FOXJ3: variants seen among roughly 807,000 people sequenced by gnomAD.
FOXJ3 encodes the protein forkhead box protein J3.
FOXJ3 carries 22 observed loss-of-function variants against 76.1 expected under a neutral mutation model. The ratio of observed to expected loss-of-function variants is 0.29; its 90% confidence interval spans 0.21 to 0.41. The LOEUF (loss-of-function observed/expected upper bound fraction) is 0.41, where lower values mean the gene tolerates loss of function less well. FOXJ3 is among the 10% of genes least tolerant of loss of function. FOXJ3 has a pLI of 1.00. For synonymous variants in FOXJ3, 269 were observed against 261.2 expected, an observed-to-expected ratio of 1.03 and a Z score of -0.29; for missense variants, 613 against 762.1, an observed-to-expected ratio of 0.80 and a Z score of 2.30.
At chr1:42,221,855 T>G (rs1457409530) in intron 5 of FOXJ3, among the ~76,000 whole-genome samples, 2 of 145,120 alleles carry the variant, frequency 1.4e-5, no homozygotes, top group African/African-American at 5.1e-5. Flanking sequence ...GGCTCACACC[T>G]TAATCCCAGT....
chr1:42,262,735 G>A (rs367977146), intron 4 of FOXJ3, among the ~76,000 whole-genome samples: 4 of 152,160 alleles, frequency 2.6e-5, no homozygotes, highest in Non-Finnish European at 4.4e-5. Flanking sequence ...GGTAGTCCCA[G>A]CTACTCAGGA....
intron 4 of FOXJ3, among the ~76,000 whole-genome samples, chr1:42,248,730 CTTTTTTTTTTTTT>C (rs4019587): frequency 3.3e-5 from 3 of 92,192 alleles, no homozygotes; most frequent in African/African-American, 1.2e-4. Context: ...CCTGTTTTTT[CTTTTTTTTTTTTT>C]TTTTTTTTTT....
At chr1:42,183,188 G>A (rs1315913574) in intron 11 of FOXJ3, among the ~76,000 whole-genome samples, 5 of 149,612 alleles carry the variant, frequency 3.3e-5, no homozygotes, top group South Asian at 2.2e-4. Flanking sequence ...CCTGGGAGAC[G>A]GAGGTTGCAG....
chr1:42,192,057 A>T (rs1219705070), intron 8 of FOXJ3, among the ~76,000 whole-genome samples: 2 of 152,182 alleles, frequency 1.3e-5, no homozygotes, highest in Non-Finnish European at 2.9e-5. Context: ...ACAGTGCCTG[A>T]ACTGAGTCTT....
intron 4 of FOXJ3, among the ~76,000 whole-genome samples, chr1:42,235,611 G>A (rs1648556252): frequency 6.7e-6 from 1 of 150,350 alleles, no homozygotes. Flanking sequence ...CAGCCATGCT[G>A]GAGTGCAGTG....
chr1:42,308,269 G>T (rs755432761), intron 2 of FOXJ3, among the ~76,000 whole-genome samples: 4 of 152,170 alleles, frequency 2.6e-5, no homozygotes, highest in Admixed American at 1.3e-4. Flanking sequence ...AGCAGTGTTT[G>T]TCAGTAGTTT....
rs537697206 is a variant in FOXJ3, at chr1:42,312,993, T to G, written c.-17-1883A>C. On this transcript the variant is annotated intron_variant, in intron 1 of 12. Coordinates refer to ENST00000361346, the MANE Select transcript of FOXJ3 (RefSeq NM_014947.5). Reference sequence around the variant, plus strand: ...GACAGCAGTGCAAGGGTGTCTTCCCTGATATTTCACAACCACAAGCTGATC... The same window carrying G: ...GACAGCAGTGCAAGGGTGTCTTCCCGGATATTTCACAACCACAAGCTGATC... Among the ~76,000 whole-genome samples, 20 of 152,328 alleles carry G rather than the reference T, an allele frequency of 1.3e-4. No individual in the cohort carries two copies. The South Asian group carries it at 4.1e-3, about 32-fold the overall frequency.
intron 7 of FOXJ3, among the ~76,000 whole-genome samples, chr1:42,197,177 C>T (rs143025186): frequency 2.6e-5 from 4 of 152,230 alleles, no homozygotes; most frequent in Non-Finnish European, 5.9e-5. Context: ...GCATACAATG[C>T]TCCATTATCT....
chr1:42,211,377 C>G (rs1259668043), intron 5 of FOXJ3, among the ~76,000 whole-genome samples: 1 of 152,120 alleles, frequency 6.6e-6, no homozygotes, highest in African/African-American at 2.4e-5. Flanking sequence ...ATCTGAATAG[C>G]TGGAACATCT....
At chr1:42,183,755 G>C (rs1646378404) in intron 11 of FOXJ3, among the ~76,000 whole-genome samples, 1 of 152,028 alleles carries the variant, frequency 6.6e-6, no homozygotes, top group Non-Finnish European at 1.5e-5. Context: ...TTCTGTATTT[G>C]GCTGCTCACA....
At chr1:42,294,514 T>C (rs932085811) in intron 2 of FOXJ3, among the ~76,000 whole-genome samples, 42 of 152,248 alleles carry the variant, frequency 2.8e-4, no homozygotes, top group African/African-American at 9.9e-4. Flanking sequence ...ATCCCAGTAC[T>C]TTGGGAAGCC....
At chr1:42,298,562 G>C (rs1281005627) in intron 2 of FOXJ3, among the ~76,000 whole-genome samples, 1 of 151,036 alleles carries the variant, frequency 6.6e-6, no homozygotes, top group African/African-American at 2.4e-5. Flanking sequence ...TTTTTTTCTT[G>C]GTTAACTTAG....
chr1:42,235,940 G>A (rs1029010452), intron 4 of FOXJ3, among the ~76,000 whole-genome samples: 1 of 151,926 alleles, frequency 6.6e-6, no homozygotes, highest in Non-Finnish European at 1.5e-5. Context: ...CTCCTGCCTT[G>A]GGCATCCCAA....
At chr1:42,315,244 G>A in intron 1 of FOXJ3, 1 of 173,820 alleles carries the variant, frequency 5.8e-6, no homozygotes, top group Non-Finnish European at 1.1e-5. Flanking sequence ...GATGAAAATG[G>A]CCTAATTGAT....
chr1:42,319,682 AG>A (rs1655324258), intron 1 of FOXJ3, among the ~76,000 whole-genome samples: 1 of 152,204 alleles, frequency 6.6e-6, no homozygotes, highest in African/African-American at 2.4e-5. Flanking sequence ...ATCTCAACAA[AG>A]CAGTTAGGAA....
chr1:42,335,839 A>G (rs1034631377), upstream of FOXJ3: 1 of 152,102 alleles, frequency 6.6e-6, no homozygotes, highest in African/African-American at 2.4e-5. Context: ...TTGGACCTCT[A>G]AAGGCCCTTC....
At chr1:42,272,724 C>T (rs975937469) in intron 3 of FOXJ3, among the ~76,000 whole-genome samples, 1 of 152,166 alleles carries the variant, frequency 6.6e-6, no homozygotes, top group Non-Finnish European at 1.5e-5. Context: ...ATGGATTTGG[C>T]ATTTTTAGGT....
chr1:42,286,127 A>G (rs1653038620), intron 2 of FOXJ3, among the ~76,000 whole-genome samples: 1 of 146,174 alleles, frequency 6.8e-6, no homozygotes, highest in Non-Finnish European at 1.5e-5. Flanking sequence ...CTAAAAAGAA[A>G]TAAAATAATT....
chr1:42,254,691 A>AT (rs1001172998), intron 4 of FOXJ3, among the ~76,000 whole-genome samples: 78 of 142,324 alleles, frequency 5.5e-4, no homozygotes, highest in African/African-American at 2.0e-3. Flanking sequence ...GGAAATCATC[A>AT]TTCTCAGTAA....
Sources: allele counts gnomAD v4.1 joint callset (sites outside exome capture counted in the v4.1 genomes callset), GRCh38; gene constraint gnomAD v4.1.1; transcripts MANE v1.5; gene names NCBI Gene and HGNC (gene_info 2026-07-23, HGNC 2026-07-21).